Variants in GPHN observed in about 807,000 individuals in gnomAD.
GPHN encodes gephyrin.
A neutral mutation model predicts 95.5 loss-of-function variants in GPHN; 17 were observed. That is an observed-to-expected ratio of 0.18 (90% CI 0.12 to 0.27). The LOEUF is 0.27. Among genes scored for constraint, GPHN ranks in the 10% least tolerant of loss-of-function variants. The probability of loss-of-function intolerance (pLI) is 1.00; values close to 1 mark genes in which losing one functional copy is unlikely to be tolerated. For missense variants in GPHN, 660 were observed against 978.1 expected, an observed-to-expected ratio of 0.67 and a Z score of 4.34; for synonymous variants, 320 against 322.5, an observed-to-expected ratio of 0.99 and a Z score of 0.08.
At chr14:67,289,478 G>A in the GPHN span, among the ~76,000 whole-genome samples, 2 of 152,040 alleles carry the variant, frequency 1.3e-5, no homozygotes, top group Non-Finnish European at 1.5e-5. Flanking sequence ...TTTTCTGTCT[G>A]TGGGAGGTCT....
intron 8 of GPHN, among the ~76,000 whole-genome samples, chr14:66,931,197 C>T (rs1196139466): frequency 2.0e-5 from 3 of 152,068 alleles, no homozygotes; most frequent in Non-Finnish European, 4.4e-5. Context: ...GTAAGGTTTC[C>T]ACTGAGAAAT....
At chr14:67,615,984 G>T in the GPHN span, 1 of 300,104 alleles carries the variant, frequency 3.3e-6, no homozygotes. Flanking sequence ...AGGAAAGTCT[G>T]ATGCAGCCAA....
At chr14:67,325,979 CTT>C in the GPHN span, among the ~76,000 whole-genome samples, 6 of 110,220 alleles carry the variant, frequency 5.4e-5, no homozygotes, top group African/African-American at 2.3e-4. Context: ...CGGCTCTTTT[CTT>C]TTTTTTTTTT....
At chr14:66,686,649 G>A (rs116962116) in intron 2 of GPHN, among the ~76,000 whole-genome samples, 5,999 of 152,286 alleles carry the variant, frequency 0.039, 173 homozygotes, top group Middle Eastern at 0.065. Flanking sequence ...GGAGAATTTG[G>A]ACTGAGACGG....
intron 9 of GPHN, among the ~76,000 whole-genome samples, chr14:67,011,638 A>G (rs1284393569): frequency 3.3e-5 from 5 of 150,668 alleles, no homozygotes; most frequent in Non-Finnish European, 5.9e-5. Context: ...TATGGGGCAT[A>G]TGTTGACCCG....
the GPHN span, among the ~76,000 whole-genome samples, chr14:67,665,071 T>A: frequency 1.3e-5 from 2 of 152,200 alleles, no homozygotes; most frequent in Non-Finnish European, 2.9e-5. Flanking sequence ...TTAACCATGT[T>A]GGCCAGGCTG....
At chr14:67,229,273 G>A in the GPHN span, among the ~76,000 whole-genome samples, 5 of 152,136 alleles carry the variant, frequency 3.3e-5, no homozygotes, top group Non-Finnish European at 7.4e-5. Flanking sequence ...TAAAGCAATG[G>A]AAATCTATTT....
chr14:67,401,208 T>C, the GPHN span, among the ~76,000 whole-genome samples: 2 of 152,022 alleles, frequency 1.3e-5, no homozygotes, highest in African/African-American at 4.8e-5. Flanking sequence ...TGATTTAGGT[T>C]GGCTGCGGTG....
At chr14:67,600,113 G>A in the GPHN span, 1 of 1,597,894 alleles carries the variant, frequency 6.3e-7, no homozygotes, top group Non-Finnish European at 8.5e-7. Context: ...GGGCAGCTGA[G>A]GCAGAATTCC....
chr14:67,418,138 T>C, the GPHN span, among the ~76,000 whole-genome samples: 1 of 152,248 alleles, frequency 6.6e-6, no homozygotes, highest in Non-Finnish European at 1.5e-5. Flanking sequence ...ATCTACTATG[T>C]AATTGATTCT....
At chr14:67,406,258 C>CAAA in the GPHN span, among the ~76,000 whole-genome samples, 689 of 107,236 alleles carry the variant, frequency 6.4e-3, 23 homozygotes, top group East Asian at 0.12. Context: ...GATTCCATCT[C>CAAA]AAAAAAAAAA....
chr14:66,872,122 A>G (rs2063464924), intron 4 of GPHN, among the ~76,000 whole-genome samples: 2 of 152,206 alleles, frequency 1.3e-5, no homozygotes, highest in Admixed American at 6.5e-5. Context: ...GAAGGGATTA[A>G]CTAATTTATA....
At chr14:67,019,750 G>A (rs912722623) in intron 9 of GPHN, among the ~76,000 whole-genome samples, 1 of 152,050 alleles carries the variant, frequency 6.6e-6, no homozygotes, top group African/African-American at 2.4e-5. Context: ...CCCTGACATC[G>A]CAGGGAACGG....
chr14:67,179,444 G>A lies in GPHN; in HGVS notation c.2080-134G>A, dbSNP rs574704301. On this transcript the variant is annotated intron_variant, in intron 21 of 22. Transcript: ENST00000478722. Reference sequence around the variant, plus strand: ...TTAAAAAGAAAAAGAACATAAGGTGGTAGTGACAGCAACGACAGAATACCA... The same window carrying A: ...TTAAAAAGAAAAAGAACATAAGGTGATAGTGACAGCAACGACAGAATACCA... 120 of 690,614 alleles carry A rather than the reference G, an allele frequency of 1.7e-4. No homozygotes were observed. In the Middle Eastern group the frequency reaches 2.3e-3, roughly 13 times the overall value. The allele number at this position is 690,614 out of a possible 1,614,324, so 42.8% of individuals were successfully genotyped here.
In GPHN at chr14:67,166,518, A is replaced by T. The variant is rs573848540; in HGVS notation, c.1975+1292A>T. 1.2e-3 allele frequency among the ~76,000 whole-genome samples: 183 copies of T among 152,330 alleles called. 1 individual carries two copies. Among genetic ancestry groups the T allele is most frequent in the Admixed American group, 3.3e-3 (50 of 15,300 alleles). ...ATTCCTACTTTTAATTTGAAACCTT[A>T]TCTGCTCAGCCTGAGTGAACCAACA... is the stretch of plus-strand genomic sequence containing the variant. On this transcript the variant is annotated intron_variant, in intron 20 of 22. Coordinates refer to ENST00000478722, the MANE Select transcript of GPHN (RefSeq NM_020806.5).
chr14:66,847,384 CAT>C (rs1174141404), intron 4 of GPHN, among the ~76,000 whole-genome samples: 2 of 152,032 alleles, frequency 1.3e-5, no homozygotes, highest in Non-Finnish European at 2.9e-5. Flanking sequence ...ATAAGAGTAA[CAT>C]AATTTTATTA....
chr14:66,604,469 G>A (rs1436855914), intron 1 of GPHN, among the ~76,000 whole-genome samples: 1 of 151,890 alleles, frequency 6.6e-6, no homozygotes, highest in Non-Finnish European at 1.5e-5. Flanking sequence ...GCAGACACTT[G>A]GTTATGAAAC....
At chr14:67,299,356 CAA>C in the GPHN span, among the ~76,000 whole-genome samples, 23,449 of 151,840 alleles carry the variant, frequency 0.15, 3,383 homozygotes, top group East Asian at 0.41. Flanking sequence ...GGATATATAC[CAA>C]AGTGATTATC....
At chr14:67,622,782 C>T in the GPHN span, among the ~76,000 whole-genome samples, 13 of 152,212 alleles carry the variant, frequency 8.5e-5, no homozygotes, top group African/African-American at 1.9e-4. Flanking sequence ...ATTGCTCTAC[C>T]GTCTGTAGGT....
Sources: gnomAD v4.1 joint callset for allele counts (sites outside exome capture counted in the v4.1 genomes callset) on GRCh38, gnomAD v4.1.1 for gene constraint, MANE v1.5 for transcripts, NCBI Gene and HGNC (gene_info 2026-07-23, HGNC 2026-07-21) for gene names.